RIMS2: variants seen among roughly 807,000 people sequenced by gnomAD.
RIMS2 encodes the protein regulating synaptic membrane exocytosis protein 2.
A neutral mutation model predicts 174.4 loss-of-function variants in RIMS2; 59 were observed. The observed-to-expected ratio is 0.34, with a 90% CI of 0.27 to 0.42. The LOEUF (loss-of-function observed/expected upper bound fraction) is 0.42, where lower values mean the gene tolerates loss of function less well. RIMS2 is among the 10% of genes least tolerant of loss of function. The pLI, the probability that RIMS2 is intolerant of heterozygous loss-of-function variation, is 1.00. For synonymous variants in RIMS2, 606 were observed against 572.5 expected (o/e 1.06, Z -0.84); for missense variants, 1,620 against 1,666.3 (o/e 0.97, Z 0.48).
At chr8:103,815,074 C>G (rs1593018256) in intron 3 of RIMS2, among the ~76,000 whole-genome samples, 1 of 152,000 alleles carries the variant, frequency 6.6e-6, no homozygotes, top group Non-Finnish European at 1.5e-5. Context: ...GCTAGTGTAT[C>G]AAAAAGTATA....
At chr8:104,035,380 AATGT>A (rs953707150) in intron 19 of RIMS2, among the ~76,000 whole-genome samples, 12 of 152,044 alleles carry the variant, frequency 7.9e-5, no homozygotes, top group Non-Finnish European at 1.6e-4. Flanking sequence ...ATAATATTTT[AATGT>A]GTACATAAGC....
intron 1 of RIMS2, among the ~76,000 whole-genome samples, chr8:103,662,086 A>G (rs910509254): frequency 1.3e-5 from 2 of 152,230 alleles, no homozygotes; most frequent in Non-Finnish European, 2.9e-5. Flanking sequence ...CACTAATGAT[A>G]GCTGATGAGC....
intron 4 of RIMS2, among the ~76,000 whole-genome samples, chr8:103,899,084 G>C (rs2099311635): frequency 1.3e-5 from 2 of 151,724 alleles, no homozygotes; most frequent in Admixed American, 6.6e-5. Flanking sequence ...GTATTCCATG[G>C]TGTATATGTG....
chr8:103,643,670 T>G (rs2096272542), intron 1 of RIMS2, among the ~76,000 whole-genome samples: 1 of 152,148 alleles, frequency 6.6e-6, no homozygotes, highest in Non-Finnish European at 1.5e-5. Flanking sequence ...GACTCCTTAC[T>G]AAATAGTTTC....
intron 17 of RIMS2, among the ~76,000 whole-genome samples, chr8:104,012,673 T>C (rs2095799936): frequency 6.6e-6 from 1 of 152,166 alleles, no homozygotes; most frequent in African/African-American, 2.4e-5. Flanking sequence ...AGTATTATGC[T>C]AGGTTCCAGG....
chr8:104,111,623 G>A (rs1476540205), intron 19 of RIMS2, among the ~76,000 whole-genome samples: 1 of 152,034 alleles, frequency 6.6e-6, no homozygotes, highest in Non-Finnish European at 1.5e-5. Flanking sequence ...GGCCAGGATG[G>A]TCTCCATCTC....
chr8:103,545,892 G>T (rs1014890905), intron 1 of RIMS2, among the ~76,000 whole-genome samples: 2 of 152,040 alleles, frequency 1.3e-5, no homozygotes, highest in Non-Finnish European at 2.9e-5. Flanking sequence ...CTTAAGAGAG[G>T]GCTAAATATG....
At chr8:103,623,205 C>T (rs2095677610) in intron 1 of RIMS2, among the ~76,000 whole-genome samples, 1 of 152,086 alleles carries the variant, frequency 6.6e-6, no homozygotes, top group Non-Finnish European at 1.5e-5. Context: ...TATGCTAGCC[C>T]TAACATTCAT....
At chr8:103,986,452 A>G (rs1020768570) in intron 16 of RIMS2, among the ~76,000 whole-genome samples, 1 of 152,196 alleles carries the variant, frequency 6.6e-6, no homozygotes, top group South Asian at 2.1e-4. Flanking sequence ...TCAATACAAT[A>G]AAAGGATTGT....
At chr8:104,026,331 G>T (rs2096256742) in intron 19 of RIMS2, among the ~76,000 whole-genome samples, 1 of 152,160 alleles carries the variant, frequency 6.6e-6, no homozygotes, top group Non-Finnish European at 1.5e-5. Flanking sequence ...AATTTTTGGA[G>T]ATGTGGCTGA....
chr8:104,040,564 T>C (rs1360029741), intron 19 of RIMS2, among the ~76,000 whole-genome samples: 2 of 151,678 alleles, frequency 1.3e-5, no homozygotes, highest in African/African-American at 4.8e-5. Context: ...GCGTAAATTT[T>C]AATAATCTAT....
chr8:103,565,557 T>A (rs1043742440), intron 1 of RIMS2, among the ~76,000 whole-genome samples: 3 of 152,192 alleles, frequency 2.0e-5, no homozygotes, highest in African/African-American at 7.2e-5. Context: ...CTGCCCACCT[T>A]GGCCTTCCAA....
intron 2 of RIMS2, among the ~76,000 whole-genome samples, chr8:103,718,283 G>T (rs564955551): frequency 5.9e-5 from 9 of 152,262 alleles, no homozygotes; most frequent in South Asian, 2.1e-4. Context: ...CTAAGCTATT[G>T]TTCATATATG....
intron 2 of RIMS2, among the ~76,000 whole-genome samples, chr8:103,723,859 T>C (rs1485265601): frequency 6.6e-6 from 1 of 152,038 alleles, no homozygotes; most frequent in Non-Finnish European, 1.5e-5. Context: ...TAGGGGCTGG[T>C]CTTATCCTGG....
intron 2 of RIMS2, among the ~76,000 whole-genome samples, chr8:103,711,217 C>G (rs574000311): frequency 6.6e-6 from 1 of 152,222 alleles, no homozygotes; most frequent in East Asian, 1.9e-4. Context: ...AGTACATTGG[C>G]TCAGGGTGTA....
At chr8:104,243,353 G>A (rs968255208) in intron 19 of RIMS2, among the ~76,000 whole-genome samples, 3 of 152,070 alleles carry the variant, frequency 2.0e-5, no homozygotes, top group Non-Finnish European at 4.4e-5. Flanking sequence ...AAGAGATTTC[G>A]ACAAATCACT....
intron 1 of RIMS2, among the ~76,000 whole-genome samples, chr8:103,552,454 TG>T (rs1848443140): frequency 6.6e-6 from 1 of 152,288 alleles, no homozygotes; most frequent in Non-Finnish European, 1.5e-5. Context: ...TAATTCAAGA[TG>T]GATTAAAGAC....
chr8:103,901,676 A>G (rs2073155977), intron 4 of RIMS2, among the ~76,000 whole-genome samples: 1 of 152,194 alleles, frequency 6.6e-6, no homozygotes, highest in African/African-American at 2.4e-5. Flanking sequence ...CATATATACA[A>G]TCATTTCATC....
chr8:104,136,523 A>G (rs988782350), intron 19 of RIMS2, among the ~76,000 whole-genome samples: 2 of 152,186 alleles, frequency 1.3e-5, no homozygotes, highest in African/African-American at 4.8e-5. Flanking sequence ...TAGATAATAA[A>G]TCAGTCTCTT....
Sources: gnomAD v4.1 joint callset for allele counts (sites outside exome capture counted in the v4.1 genomes callset) on GRCh38, gnomAD v4.1.1 for gene constraint, MANE v1.5 for transcripts, NCBI Gene and HGNC (gene_info 2026-07-23, HGNC 2026-07-21) for gene names.